Variants in ARHGAP29 observed in about 807,000 individuals in gnomAD.
ARHGAP29 encodes Rho GTPase activating protein 29.
ARHGAP29 carries 43 observed loss-of-function variants against 122.6 expected under a neutral mutation model. The observed-to-expected ratio is 0.35, with a 90% CI of 0.27 to 0.45. The LOEUF (loss-of-function observed/expected upper bound fraction) is 0.45. ARHGAP29 is among the 20% of genes least tolerant of loss of function. The pLI, the probability that ARHGAP29 is intolerant of heterozygous loss-of-function variation, is 1.00. For missense variants in ARHGAP29, 1,303 were observed against 1,477.2 expected (o/e 0.88, Z 1.93); for synonymous variants, 506 against 497.1 (o/e 1.02, Z -0.24).
chr1:94,243,608 A>G (rs985191066), intron 1 of ARHGAP29, among the ~76,000 whole-genome samples: 24 of 152,072 alleles, frequency 1.6e-4, no homozygotes, highest in African/African-American at 5.8e-4. Flanking sequence ...TCTAAAGTCA[A>G]TATCTAAGCT....
rs1040344524 is a variant in ARHGAP29, at chr1:94,237,563, A to C, written c.-181T>G. On this transcript the variant is annotated 5_prime_UTR_variant, in exon 1 of 23. Transcript: ENST00000260526. ...CAGCCGCAGCCGCAGCCGCAGCCAC[A>C]GCCACAGGCACCACCACCACTGCAG... 3 of 991,064 alleles carry C rather than the reference A, an allele frequency of 3.0e-6. No individual in the cohort carries two copies. The highest frequency in any genetic ancestry group is 3.6e-6 in the Non-Finnish European group (3 of 834,352). 61.4% of individuals were successfully genotyped at this position (991,064 alleles called of 1,614,324 possible). A position where few individuals can be genotyped will look rare whatever the true frequency, so the allele number is the denominator to read the frequency against.
intron 12 of ARHGAP29, chr1:94,193,890 C>A (rs1650280225): frequency 6.6e-6 from 1 of 152,070 alleles, no homozygotes; most frequent in Admixed American, 6.5e-5. Flanking sequence ...TACTTTTTTC[C>A]TCTTAACCTC....
intron 3 of ARHGAP29, among the ~76,000 whole-genome samples, chr1:94,219,759 C>T (rs1267594241): frequency 6.6e-6 from 1 of 152,164 alleles, no homozygotes; most frequent in Non-Finnish European, 1.5e-5. Context: ...AGTTTTAGCA[C>T]ATATATGCTA....
Position 94,215,839 on chromosome 1 carries a change from CAG to C in ARHGAP29, c.340+4417_340+4418del, listed in dbSNP as rs1651928906. On this transcript the variant is annotated intron_variant, in intron 3 of 22. Coordinates refer to ENST00000260526, the MANE Select transcript of ARHGAP29 (RefSeq NM_004815.4). ...AGACTAAAGGCTAATTTTACTTATA[CAG>C]AGTTTCTACAAATCAATACTAAAAG... Among the ~76,000 whole-genome samples the C allele has an allele frequency of 2.6e-5, 4 of 152,188 alleles. No homozygotes were observed. In the South Asian group the frequency reaches 8.3e-4, roughly 32 times the overall value.
At chr1:94,246,233 T>G (rs1653789334) in intron 1 of ARHGAP29, among the ~76,000 whole-genome samples, 1 of 152,202 alleles carries the variant, frequency 6.6e-6, no homozygotes. Context: ...GGAGGCATTT[T>G]GAAATAAGCA....
chr1:94,241,627 T>C (rs941034297), upstream of ARHGAP29, among the ~76,000 whole-genome samples: 9 of 138,356 alleles, frequency 6.5e-5, no homozygotes, highest in African/African-American at 2.3e-4. Context: ...CAAAAAATAG[T>C]AATTTTATAT....
At chr1:94,204,143 C>T (rs79661730) in intron 7 of ARHGAP29, 149 bp from the exon 8 acceptor site, 1 of 480,468 alleles carries the variant, frequency 2.1e-6, no homozygotes, top group Non-Finnish European at 3.5e-6. Context: ...CTTCTTTCTT[C>T]CTTTTTTTTT....
At chr1:94,217,439 CAGG>C (rs1652015045) in intron 3 of ARHGAP29, among the ~76,000 whole-genome samples, 1 of 151,060 alleles carries the variant, frequency 6.6e-6, no homozygotes. Flanking sequence ...GAGGCAGAGG[CAGG>C]AGAATTGCTT....
intron 22 of ARHGAP29, among the ~76,000 whole-genome samples, chr1:94,176,077 A>G (rs772664896): frequency 1.3e-4 from 20 of 152,096 alleles, no homozygotes; most frequent in Admixed American, 6.5e-4. Flanking sequence ...GTTCCTTGCA[A>G]TTGGACTCTA....
intron 2 of ARHGAP29, among the ~76,000 whole-genome samples, chr1:94,222,476 C>G (rs1055512305): frequency 6.6e-6 from 1 of 152,138 alleles, no homozygotes; most frequent in African/African-American, 2.4e-5. Context: ...CTGTAATCTT[C>G]CTCCCAATAT....
chr1:94,287,643 T>TC, the ARHGAP29 span, among the ~76,000 whole-genome samples: 3 of 151,786 alleles, frequency 2.0e-5, no homozygotes, highest in Admixed American at 6.6e-5. Flanking sequence ...CCTAATGCTA[T>TC]CCCCCCCAGC....
chr1:94,269,853 A>C (rs1654923349), intron 1 of ARHGAP29, among the ~76,000 whole-genome samples: 1 of 152,156 alleles, frequency 6.6e-6, no homozygotes, highest in African/African-American at 2.4e-5. Context: ...ATGAGCTTAT[A>C]AGTAGAGTCC....
intron 12 of ARHGAP29, chr1:94,195,551 G>C (rs960946769): frequency 1.3e-5 from 2 of 151,974 alleles, no homozygotes; most frequent in East Asian, 3.9e-4. Context: ...GTCTAGAAAA[G>C]TATCAATTCA....
the ARHGAP29 span, among the ~76,000 whole-genome samples, chr1:94,301,802 G>T: frequency 6.6e-6 from 1 of 152,170 alleles, no homozygotes; most frequent in South Asian, 2.1e-4. Context: ...AAATGAGGCT[G>T]CACTGTGGAA....
At chr1:94,252,805 T>C (rs192870623) in intron 1 of ARHGAP29, among the ~76,000 whole-genome samples, 1 of 152,304 alleles carries the variant, frequency 6.6e-6, no homozygotes, top group East Asian at 1.9e-4. Flanking sequence ...CTTTCATCGA[T>C]TCACCAAATG....
chr1:94,294,450 C>A, the ARHGAP29 span, among the ~76,000 whole-genome samples: 325 of 152,190 alleles, frequency 2.1e-3, 1 homozygote, highest in African/African-American at 7.6e-3. Context: ...ACCTGGCTAA[C>A]TTTTTAAATT....
At chr1:94,220,796 T>C (rs1200397822) in intron 2 of ARHGAP29, among the ~76,000 whole-genome samples, 1 of 152,194 alleles carries the variant, frequency 6.6e-6, no homozygotes, top group Non-Finnish European at 1.5e-5. Flanking sequence ...CTATACATTT[T>C]TAAAATTATG....
intron 20 of ARHGAP29, among the ~76,000 whole-genome samples, chr1:94,179,134 T>C (rs957167565): frequency 6.6e-6 from 1 of 152,212 alleles, no homozygotes; most frequent in South Asian, 2.1e-4. Flanking sequence ...TATGTTTTCA[T>C]CCTTGTTTAG....
At chr1:94,274,854 T>C (rs1487390220) in intron 1 of ARHGAP29, among the ~76,000 whole-genome samples, 5 of 152,214 alleles carry the variant, frequency 3.3e-5, no homozygotes, top group Non-Finnish European at 7.3e-5. Flanking sequence ...CTCAGGCCCT[T>C]TACAGTCTCA....
Sources: gnomAD v4.1 joint callset for allele counts (sites outside exome capture counted in the v4.1 genomes callset) on GRCh38, gnomAD v4.1.1 for gene constraint, MANE v1.5 for transcripts, NCBI Gene and HGNC (gene_info 2026-07-23, HGNC 2026-07-21) for gene names.